MAP2K1: variants seen among roughly 807,000 people sequenced by gnomAD.
MAP2K1 encodes the protein dual specificity mitogen-activated protein kinase kinase 1.
Under a neutral mutation model 46.3 loss-of-function variants are expected in MAP2K1, and 16 were observed. The observed-to-expected ratio is 0.35, with a 90% CI of 0.23 to 0.52. The LOEUF (loss-of-function observed/expected upper bound fraction) is 0.52, where lower values mean the gene tolerates loss of function less well. Among genes scored for constraint, MAP2K1 ranks in the 20% least tolerant of loss-of-function variants. MAP2K1 has a pLI of 0.94. For missense variants in MAP2K1, 263 were observed against 497.1 expected (o/e 0.53, Z 4.48); for synonymous variants, 183 against 185.6 (o/e 0.99, Z 0.11).
intron 1 of MAP2K1, among the ~76,000 whole-genome samples, chr15:66,408,571 G>A (rs2093403647): frequency 6.6e-6 from 1 of 152,034 alleles, no homozygotes; most frequent in Admixed American, 6.6e-5. Context: ...GTGTTGGGCG[G>A]GGGTCAAGAG....
At chr15:66,468,963 A>AG (rs1443888982) in intron 5 of MAP2K1, among the ~76,000 whole-genome samples, 1 of 145,562 alleles carries the variant, frequency 6.9e-6, no homozygotes, top group East Asian at 2.0e-4. Context: ...CAAAAAAAAA[A>AG]ATTTTTTTTT....
At chr15:66,482,549 C>T (rs1892937638) in intron 6 of MAP2K1, among the ~76,000 whole-genome samples, 1 of 152,238 alleles carries the variant, frequency 6.6e-6, no homozygotes, top group Admixed American at 6.5e-5. Context: ...TGCTGGCTCA[C>T]ACTGTCACCA....
At chr15:66,488,897 T>G (rs1281586042) in intron 8 of MAP2K1, 2 of 437,312 alleles carry the variant, frequency 4.6e-6, no homozygotes, top group African/African-American at 4.0e-5. Flanking sequence ...CCCAACCTCT[T>G]CATGTCATAG....
intron 1 of MAP2K1, among the ~76,000 whole-genome samples, chr15:66,413,206 A>G (rs1407121998): frequency 6.6e-6 from 1 of 152,074 alleles, no homozygotes; most frequent in Non-Finnish European, 1.5e-5. Flanking sequence ...CCTTGTGTCA[A>G]TTTTTAGAAG....
intron 10 of MAP2K1, 62 bp from the exon 11 acceptor site, chr15:66,490,440 C>A: frequency 1.6e-6 from 2 of 1,217,608 alleles, no homozygotes; most frequent in East Asian, 2.3e-5. Flanking sequence ...ATTTTCCTTC[C>A]TGGTGGGTTT....
intron 1 of MAP2K1, among the ~76,000 whole-genome samples, chr15:66,405,775 C>T (rs1032555083): frequency 6.6e-6 from 1 of 152,166 alleles, no homozygotes; most frequent in Non-Finnish European, 1.5e-5. Context: ...GGATTAGTTT[C>T]CCCAAAGGAA....
Position 66,485,022 on chromosome 15 carries a change from G to T in MAP2K1, c.726G>T (p.Val242=), listed in dbSNP as rs373745627. 86 of 1,613,556 alleles carry T rather than the reference G, an allele frequency of 5.3e-5. No homozygotes were observed. The highest frequency in any genetic ancestry group is 1.3e-4 in the Admixed American group (8 of 60,006). Residue 242 remains valine, a synonymous_variant, in exon 7 of 11, where the codon GTG becomes GTT. Transcript: ENST00000307102. ...GACTCCAGGGGACTCATTACTCTGTGCAGTCAGACATCTGGAGCATGGGAC... is the reference window on the plus strand; with the variant it reads ...GACTCCAGGGGACTCATTACTCTGTTCAGTCAGACATCTGGAGCATGGGAC... The part of the protein sequence containing the change: ...PERLQGTHYS[V]QSDIWSMGLS...
At chr15:66,479,749 A>AGGT (rs1892868389) in intron 5 of MAP2K1, among the ~76,000 whole-genome samples, 1 of 152,184 alleles carries the variant, frequency 6.6e-6, no homozygotes. Context: ...GGTGAGGCAG[A>AGGT]CAGCCAACGT....
chr15:66,421,096 A>G (rs1322420384), intron 1 of MAP2K1, among the ~76,000 whole-genome samples: 2 of 60,460 alleles, frequency 3.3e-5, no homozygotes, highest in Non-Finnish European at 6.4e-5. Flanking sequence ...ACACACATAC[A>G]CACACACACA....
At chr15:66,438,973 C>T (rs1199814477) in intron 3 of MAP2K1, among the ~76,000 whole-genome samples, 1 of 152,160 alleles carries the variant, frequency 6.6e-6, no homozygotes, top group African/African-American at 2.4e-5. Flanking sequence ...TCAGGTGCTG[C>T]CGGAGCGTCT....
intron 1 of MAP2K1, among the ~76,000 whole-genome samples, chr15:66,429,031 C>T (rs1459671526): frequency 3.3e-5 from 5 of 152,012 alleles, no homozygotes; most frequent in Admixed American, 6.5e-5. Flanking sequence ...CCTCCCGCCT[C>T]GGCCTCCCAG....
intron 5 of MAP2K1, among the ~76,000 whole-genome samples, chr15:66,456,977 A>C (rs1892180463): frequency 6.6e-6 from 1 of 152,240 alleles, no homozygotes; most frequent in African/African-American, 2.4e-5. Flanking sequence ...ACATAGGATG[A>C]AAACAACAAG....
intron 1 of MAP2K1, among the ~76,000 whole-genome samples, chr15:66,417,356 G>A (rs1237956051): frequency 6.6e-6 from 1 of 152,054 alleles, no homozygotes; most frequent in East Asian, 1.9e-4. Context: ...GATCACCTGA[G>A]CCCTAGAAGT....
chr15:66,406,823 C>T (rs1201319470), intron 1 of MAP2K1, among the ~76,000 whole-genome samples: 1 of 151,872 alleles, frequency 6.6e-6, no homozygotes, highest in Non-Finnish European at 1.5e-5. Context: ...CTGAGCTCCG[C>T]AGTTTGAGAC....
chr15:66,413,050 C>G (rs1305660518), intron 1 of MAP2K1, among the ~76,000 whole-genome samples: 1 of 152,086 alleles, frequency 6.6e-6, no homozygotes, highest in Non-Finnish European at 1.5e-5. Flanking sequence ...TGCTCGCCAC[C>G]ACGCCCAGCT....
At chr15:66,413,098 G>A (rs1473889411) in intron 1 of MAP2K1, among the ~76,000 whole-genome samples, 1 of 152,084 alleles carries the variant, frequency 6.6e-6, no homozygotes, top group African/African-American at 2.4e-5. Context: ...GTTTCACCAT[G>A]TTGGCCAGGC....
intron 1 of MAP2K1, among the ~76,000 whole-genome samples, chr15:66,427,441 C>T (rs1418476539): frequency 4.0e-5 from 6 of 151,864 alleles, no homozygotes; most frequent in African/African-American, 1.5e-4. Flanking sequence ...CGCCTGTAGT[C>T]CCAGTTGCTC....
chr15:66,456,756 C>A (rs1410170200), intron 5 of MAP2K1, among the ~76,000 whole-genome samples: 1 of 152,204 alleles, frequency 6.6e-6, no homozygotes, highest in Non-Finnish European at 1.5e-5. Flanking sequence ...CTGGGTTATA[C>A]ACTCACCCCT....
At chr15:66,445,383 C>G (rs72750480) in intron 5 of MAP2K1, among the ~76,000 whole-genome samples, 11 of 152,096 alleles carry the variant, frequency 7.2e-5, no homozygotes, top group Non-Finnish European at 1.5e-4. Context: ...CACAGCGAGA[C>G]ACAGTCTCAA....
Sources: allele counts gnomAD v4.1 joint callset (sites outside exome capture counted in the v4.1 genomes callset), GRCh38; gene constraint gnomAD v4.1.1; transcripts MANE v1.5; gene names NCBI Gene and HGNC (gene_info 2026-07-23, HGNC 2026-07-21).